IQSEC1: variants seen among roughly 807,000 people sequenced by gnomAD.
IQSEC1 encodes the protein IQ motif and SEC7 domain-containing protein 1.
IQSEC1 carries 31 observed loss-of-function variants against 91.0 expected under a neutral mutation model. That is an observed-to-expected ratio of 0.34 (90% CI 0.26 to 0.46). The LOEUF (loss-of-function observed/expected upper bound fraction) is 0.46, where lower values mean the gene tolerates loss of function less well. Ranked by LOEUF, IQSEC1 falls within the 20% of genes least tolerant of loss-of-function variation. IQSEC1 has a pLI of 1.00. For missense variants in IQSEC1, 1,388 were observed against 1,575.6 expected, an observed-to-expected ratio of 0.88 and a Z score of 2.02; for synonymous variants, 699 against 662.6, an observed-to-expected ratio of 1.05 and a Z score of -0.84.
chr3:13,223,684 A>G (rs1694701612), intron 1 of IQSEC1, among the ~76,000 whole-genome samples: 1 of 152,242 alleles, frequency 6.6e-6, no homozygotes, highest in African/African-American at 2.4e-5. Flanking sequence ...CACTGGGGAC[A>G]TGCAGGGACC....
At position 13,164,265 on chromosome 3, in the gene IQSEC1, C is replaced by A. The variant is rs190710495; in HGVS notation, c.273-132G>T. The stretch of plus-strand genomic sequence containing the variant: ...CCCCTCCCCAGCCTCAGCAGACATC[C>A]GCAGGCCCAATCCTCCGGGGTCTCT... On this transcript the variant is annotated intron_variant, in intron 1 of 15. Coordinates refer to the IQSEC1 transcript ENST00000648114. Among the ~76,000 whole-genome samples, 5 of 152,298 alleles carry A rather than the reference C, an allele frequency of 3.3e-5. No individual in the cohort carries two copies. In the South Asian group the frequency reaches 1.0e-3, roughly 32 times the overall value.
At chr3:13,079,028 G>A (rs1400433305) in intron 2 of IQSEC1, among the ~76,000 whole-genome samples, 12 of 152,248 alleles carry the variant, frequency 7.9e-5, no homozygotes, top group Admixed American at 7.8e-4. Context: ...GTACGATTTA[G>A]AGAGAAGCAC....
At chr3:13,017,474 G>A (rs1339771611) in intron 1 of IQSEC1, among the ~76,000 whole-genome samples, 6 of 152,104 alleles carry the variant, frequency 3.9e-5, no homozygotes, top group Non-Finnish European at 5.9e-5. Flanking sequence ...CTGAGCTCTC[G>A]GCGACAAGTG....
intron 2 of IQSEC1, among the ~76,000 whole-genome samples, chr3:13,150,863 C>A (rs917701304): frequency 6.6e-6 from 1 of 152,246 alleles, no homozygotes; most frequent in African/African-American, 2.4e-5. Flanking sequence ...AAGAGCCCCA[C>A]CTGAGAGTGG....
intron 1 of IQSEC1, among the ~76,000 whole-genome samples, chr3:13,213,913 C>T (rs1421886854): frequency 6.6e-6 from 1 of 152,150 alleles, no homozygotes; most frequent in African/African-American, 2.4e-5. Flanking sequence ...GTATCCACAG[C>T]CAGTTAGCCA....
At chr3:13,166,017 G>C (rs974073526) in intron 1 of IQSEC1, among the ~76,000 whole-genome samples, 11 of 152,158 alleles carry the variant, frequency 7.2e-5, no homozygotes, top group African/African-American at 2.7e-4. Context: ...TCACCCAGGC[G>C]TTCAGGGATC....
In IQSEC1 at chr3:12,994,240, C is replaced by G. The variant is rs1702130235; in HGVS notation, c.24-52375G>C. On this transcript the variant is annotated intron_variant, in intron 1 of 13. Coordinates refer to ENST00000613206, the MANE Select transcript of IQSEC1 (RefSeq NM_001134382.3). This position sits in a 1 kb window ranked among gnomAD's most constrained non-coding sequence, Gnocchi z 4.5. ...AGCGCCACCGGCGGGGCGGCCTCCCCGCGCGCCGCCCTCCTGCCCGCCCCA... is the reference window on the plus strand; with the variant it reads ...AGCGCCACCGGCGGGGCGGCCTCCCGGCGCGCCGCCCTCCTGCCCGCCCCA... Among the ~76,000 whole-genome samples the G allele has an allele frequency of 6.7e-6, 1 of 150,034 alleles. No individual in the cohort carries two copies. Among genetic ancestry groups the G allele is most frequent in the Non-Finnish European group, 1.5e-5 (1 of 67,250 alleles).
At chr3:13,065,488 A>T (rs1158311824) in intron 1 of IQSEC1, among the ~76,000 whole-genome samples, 1 of 152,268 alleles carries the variant, frequency 6.6e-6, no homozygotes, top group Non-Finnish European at 1.5e-5. Context: ...GCTAAACTTC[A>T]TCACTCACAC....
At chr3:12,944,082 C>T (rs1699000863) in intron 1 of IQSEC1, among the ~76,000 whole-genome samples, 1 of 152,194 alleles carries the variant, frequency 6.6e-6, no homozygotes, top group African/African-American at 2.4e-5. Flanking sequence ...CAGGCTGCCC[C>T]TCCCTTCAAG....
chr3:13,220,178 C>T (rs1354373757), intron 1 of IQSEC1, among the ~76,000 whole-genome samples: 2 of 152,240 alleles, frequency 1.3e-5, no homozygotes, highest in Non-Finnish European at 2.9e-5. Context: ...CTCCTGGGGC[C>T]GGCAGTGGCC....
intron 1 of IQSEC1, among the ~76,000 whole-genome samples, chr3:12,991,190 G>A (rs905700002): frequency 1.3e-5 from 2 of 152,290 alleles, no homozygotes; most frequent in East Asian, 1.9e-4. Context: ...GTATCCCCGC[G>A]GGGAAGATTC....
intron 2 of IQSEC1, among the ~76,000 whole-genome samples, chr3:13,099,892 G>A (rs1204064682): frequency 6.6e-6 from 1 of 152,248 alleles, no homozygotes; most frequent in African/African-American, 2.4e-5. Flanking sequence ...GGAGCAGTGT[G>A]CCTGGTGTGA....
intron 2 of IQSEC1, among the ~76,000 whole-genome samples, chr3:13,142,550 C>A (rs911298693): frequency 1.4e-4 from 22 of 152,232 alleles, no homozygotes; most frequent in African/African-American, 4.8e-4. Context: ...CCCTCACCAG[C>A]CTGCTTTCCG....
chr3:13,136,530 G>C lies in IQSEC1; in HGVS notation c.302+27574C>G, dbSNP rs554319711. 3.3e-5 allele frequency among the ~76,000 whole-genome samples: 5 copies of C among 152,266 alleles called. No homozygotes were observed. The South Asian group carries it at 8.3e-4, about 25-fold the overall frequency. On this transcript the variant is annotated intron_variant, in intron 2 of 15. Transcript: ENST00000648114. The stretch of plus-strand genomic sequence containing the variant: ...CAGCAAGGAGACACCTGGAATAAGC[G>C]AGACCTACAAAGGAGGCGGATCCAG...
intron 1 of IQSEC1, among the ~76,000 whole-genome samples, chr3:13,249,797 C>T (rs1201334984): frequency 1.3e-5 from 2 of 152,164 alleles, no homozygotes; most frequent in African/African-American, 2.4e-5. Context: ...AGGAGGAGGA[C>T]GCCAACAGAG....
intron 1 of IQSEC1, among the ~76,000 whole-genome samples, chr3:13,039,737 C>T (rs892537802): frequency 6.6e-6 from 1 of 152,214 alleles, no homozygotes; most frequent in Non-Finnish European, 1.5e-5. Flanking sequence ...ACCACAAAGT[C>T]TGAGTTCTTG....
rs1376886017 is a variant in IQSEC1, at chr3:12,979,468, G to C, written c.24-37603C>G. Among the ~76,000 whole-genome samples the C allele has an allele frequency of 1.3e-5, 2 of 152,158 alleles. No individual in the cohort carries two copies. The highest frequency in any genetic ancestry group is 4.8e-5 in the African/African-American group (2 of 41,422). On this transcript the variant is annotated intron_variant, in intron 1 of 13. Transcript: ENST00000613206. This position sits in a 1 kb window ranked among gnomAD's most constrained non-coding sequence, Gnocchi z 4.3. ...GGTAAGCTGAAGAATGCTGGATTTG[G>C]GTTACAAAAAAGGCGGACACATGCA...
chr3:13,224,975 C>G (rs2125080296), intron 1 of IQSEC1, among the ~76,000 whole-genome samples: 2 of 152,356 alleles, frequency 1.3e-5, no homozygotes, highest in Middle Eastern at 6.8e-3. Context: ...CCAGCAGGTA[C>G]TCATAGCTCC....
chr3:13,077,349 C>T (rs188280942), upstream of IQSEC1, among the ~76,000 whole-genome samples: 353 of 152,326 alleles, frequency 2.3e-3, 1 homozygote, highest in African/African-American at 8.3e-3. Flanking sequence ...CCTCGCCAGC[C>T]CTGCCCTCCT....
Sources: gnomAD v4.1 joint callset for allele counts (sites outside exome capture counted in the v4.1 genomes callset) on GRCh38, gnomAD v4.1.1 for gene constraint, Gnocchi (gnomAD v3.1) non-coding constraint, MANE v1.5 for transcripts, NCBI Gene and HGNC (gene_info 2026-07-23, HGNC 2026-07-21) for gene names.